The following MYO15A variants were observed in gnomAD, a reference collection of about 807,000 sequenced individuals.
MYO15A encodes unconventional myosin-XV.
A neutral mutation model predicts 394.6 loss-of-function variants in MYO15A; 308 were observed. That is an observed-to-expected ratio of 0.78 (90% CI 0.71 to 0.86). The LOEUF (loss-of-function observed/expected upper bound fraction) is 0.86, where lower values mean the gene tolerates loss of function less well. MYO15A is among the 40% of genes least tolerant of loss of function. The pLI is 0.00. For synonymous variants in MYO15A, 1,957 were observed against 2,003.8 expected (o/e 0.98, Z 0.62); for missense variants, 4,606 against 4,799.1 (o/e 0.96, Z 1.19).
At position 18,132,461 on chromosome 17, in the gene MYO15A, C is replaced by T. The variant is rs1163933682; in HGVS notation, c.4215C>T (p.Asn1405=). The T allele has an allele frequency of 1.7e-5, 28 of 1,613,834 alleles. No homozygotes were observed. The highest frequency in any genetic ancestry group is 2.2e-5 in the East Asian group (1 of 44,892). ...ACCTACCCACTCTACAGGCCAAAAA[C>T]GAGAGGAATTACCACATCTTCTACG... ...EKSRIVFQAK[N]ERNYHIFYEL... The change falls in exon 11 of 66, where the codon AAC becomes AAT. Residue 1405 remains asparagine, a synonymous_variant. Coordinates refer to ENST00000647165, the MANE Select transcript of MYO15A (RefSeq NM_016239.4). The surrounding 1 kb of genome is among the most constrained non-coding windows in gnomAD (Gnocchi z 4.6).
chr17:18,163,595 C>T, intron 59 of MYO15A, 147 bp from the exon 60 acceptor site: 2 of 797,588 alleles, frequency 2.5e-6, no homozygotes, highest in Non-Finnish European at 4.2e-6. Flanking sequence ...CTGCCTGAGG[C>T]TGATTCTCAG....
chr17:18,126,781 G>A lies in MYO15A; in HGVS notation c.3867-10G>A. The stretch of plus-strand genomic sequence containing the variant: ...AGGCAGGGGCCAGCTCTAATGACCT[G>A]TCTCCCCAGGCACCTCTTTGCTGTT... On this transcript the variant is annotated splice_polypyrimidine_tract_variant and intron_variant, in intron 5 of 65. Transcript: ENST00000647165. The A allele has an allele frequency of 6.2e-7, 1 of 1,614,074 alleles. No individual in the cohort carries two copies. Among genetic ancestry groups the A allele is most frequent in the Non-Finnish European group, 8.5e-7 (1 of 1,179,986 alleles).
In MYO15A at chr17:18,158,594, C is replaced by T. The variant is rs749791859; in HGVS notation, c.9039C>T (p.Leu3013=). 6.2e-7 allele frequency: 1 copy of T among 1,614,184 alleles called. No individual in the cohort carries two copies. Among genetic ancestry groups the T allele is most frequent in the South Asian group, 1.1e-5 (1 of 91,092 alleles). The change falls in exon 52 of 66, where the codon CTC becomes CTT. Residue 3013 remains leucine, a synonymous_variant. Transcript: ENST00000647165. ...TGGCGCTCCCACCCTACACAATGCT[C>T]GAGTTTGCCCAGAAGTATTTCCGAG... ...DALALPPYTM[L]EFAQKYFRDP...
rs201734915 is a variant in MYO15A at position 18,159,953 on chromosome 17, G to A, written c.9322G>A (p.Val3108Ile). Residue 3108 changes from valine (V) to isoleucine (I), a missense_variant, in exon 56 of 66, where the codon GTC (valine) becomes ATC (isoleucine). Val to Ile is a conservative substitution (Grantham distance 29). Transcript: ENST00000647165. Reference protein sequence around the residue: ...NLLKLCGDHEVMRDECYCQVV... With the variant: ...NLLKLCGDHEIMRDECYCQVV... ...CCTTCAGCTGTGCGGGGACCATGAG[G>A]TCATGCGGGATGAATGTTACTGCCA... 1.2e-4 allele frequency: 189 copies of A among 1,613,958 alleles called. 1 individual carries two copies. In the African/African-American group the frequency reaches 1.4e-3, roughly 12 times the overall value.
chr17:18,116,312 G>T (rs577307414), intron 1 of MYO15A, among the ~76,000 whole-genome samples: 80 of 152,360 alleles, frequency 5.3e-4, no homozygotes, highest in African/African-American at 1.9e-3. Flanking sequence ...TCCTGGCTCT[G>T]CCCAGTGTCC....
intron 2 of MYO15A, chr17:18,123,342 G>A (rs1292632641): frequency 2.0e-5 from 3 of 152,274 alleles, no homozygotes; most frequent in Admixed American, 6.5e-5. Context: ...GGGGCGCAGG[G>A]CGTCTAGGGG....
chr17:18,120,371 C>T lies in MYO15A; in HGVS notation c.1571C>T (p.Ala524Val). 1 of 1,611,874 alleles carries T rather than the reference C, an allele frequency of 6.2e-7. No homozygotes were observed. Among genetic ancestry groups the T allele is most frequent in the South Asian group, 1.1e-5 (1 of 91,074 alleles). Residue 524 changes from alanine to valine, a missense_variant, in exon 2 of 66, where the codon GCT (alanine) becomes GTT (valine). Around this residue, in one of 2 missense-constraint regions of MYO15A, gnomAD observed 1,830 missense variants for 1,689.7 expected, o/e 1.08. Transcript: ENST00000647165. Reference sequence around the variant, plus strand: ...GAGGAGGAGCTGCCCCCGGTTTCCGCTGTGCCCTACGGCCACCCTTTCTGG... The same window carrying T: ...GAGGAGGAGCTGCCCCCGGTTTCCGTTGTGCCCTACGGCCACCCTTTCTGG... ...EDEEELPPVS[A>V]VPYGHPFWGF...
rs1485432836 is a variant in MYO15A, at chr17:18,150,874, G to A, written c.7434G>A (p.Gln2478=). The A allele has an allele frequency of 6.3e-7, 1 of 1,598,294 alleles. No homozygotes were observed. The highest frequency in any genetic ancestry group is 1.1e-5 in the South Asian group (1 of 89,050). ...EMTLQATALQ[Q]QPLSAALRSL... is the part of the protein sequence containing the mutation. ...CCCTGCAGGCCACGGCACTCCAGCA[G>A]CAGCCCCTGAGTGCTGCCCTGAGAT... Residue 2478 remains glutamine (Q), a synonymous_variant, in exon 38 of 66, where the codon CAG becomes CAA. Transcript: ENST00000647165. This position sits in a 1 kb window ranked among gnomAD's most constrained non-coding sequence, Gnocchi z 4.4.
At chr17:18,156,905 G>C in intron 48 of MYO15A, 49 bp from the exon 49 acceptor site, 1 of 1,528,576 alleles carries the variant, frequency 6.5e-7, no homozygotes, top group Non-Finnish European at 9.1e-7. Context: ...AGGCCTCTGG[G>C]AGTGGGGTGA....
At chr17:18,131,889 C>A (rs1000735058) in intron 10 of MYO15A, among the ~76,000 whole-genome samples, 3 of 152,180 alleles carry the variant, frequency 2.0e-5, no homozygotes, top group African/African-American at 7.2e-5. Context: ...CAGCCCCTCT[C>A]CATCCCATCA....
chr17:18,120,467 G>A lies in MYO15A; in HGVS notation c.1667G>A (p.Gly556Asp). 6.3e-7 allele frequency: 1 copy of A among 1,575,320 alleles called. No homozygotes were observed. The change falls in exon 2 of 66, where the codon GGC becomes GAC. Residue 556 changes from glycine (G) to aspartate (D), a missense_variant. Around this residue, in one of 2 missense-constraint regions of MYO15A, gnomAD observed 1,830 missense variants for 1,689.7 expected, o/e 1.08. Coordinates refer to ENST00000647165, the MANE Select transcript of MYO15A (RefSeq NM_016239.4). The stretch of plus-strand genomic sequence containing the variant: ...GCCTTCGGCGCCCACCGGGGCCTGG[G>A]CTTCGGCCCTGAGTTTGGCCGCCCC... ...LSAFGAHRGL[G>D]FGPEFGRPVP...
In MYO15A at chr17:18,122,430, C is replaced by G. The variant is rs712268; in HGVS notation, c.3609+21C>G. ...ACAAGGTATGGAGGCACAGATTACA[C>G]GGAGGGTTTGAGGGTTCTGGCCTAG... On this transcript the variant is annotated intron_variant, in intron 2 of 65. Transcript: ENST00000647165. 0.37 allele frequency: 600,781 copies of G among 1,607,384 alleles called. 125,816 individuals are homozygous for G. Among genetic ancestry groups the G allele is most frequent in the East Asian group, 0.74 (33,188 of 44,792 alleles).
At position 18,178,844 on chromosome 17, in the gene MYO15A, C is replaced by G. The variant is rs772088818; in HGVS notation, c.10567C>G (p.Pro3523Ala). The change falls in exon 66 of 66, where the codon CCC (proline) becomes GCC (alanine). Residue 3523 changes from proline (P) to alanine (A), a missense_variant. Around this residue, in one of 2 missense-constraint regions of MYO15A, gnomAD observed 2,776 missense variants for 3,109.3 expected, o/e 0.89. Coordinates refer to ENST00000647165, the MANE Select transcript of MYO15A (RefSeq NM_016239.4). ...LSAHEKRLTL[P>A]PSEITLL Reference sequence around the variant, plus strand: ...TGCCCATGAGAAGCGGCTCACATTGCCCCCCAGCGAGATCACCCTGCTCTG... The same window carrying G: ...TGCCCATGAGAAGCGGCTCACATTGGCCCCCAGCGAGATCACCCTGCTCTG... 6.2e-7 allele frequency: 1 copy of G among 1,613,380 alleles called. No homozygotes were observed. Among genetic ancestry groups the G allele is most frequent in the Non-Finnish European group, 8.5e-7 (1 of 1,179,974 alleles).
intron 56 of MYO15A, among the ~76,000 whole-genome samples, chr17:18,160,394 C>G (rs537915642): frequency 6.6e-6 from 1 of 152,308 alleles, no homozygotes; most frequent in South Asian, 2.1e-4. Context: ...CAGGCTTTCT[C>G]CATCTTCTGG....
chr17:18,121,224 G>T lies in MYO15A; in HGVS notation c.2424G>T (p.Pro808=). ...CCTTGCGCACGGGCCCCTTCCAGCC[G>T]CCCTTCCTGCCCCCGGCCCGCCGGC... ...QLSLRTGPFQ[P]PFLPPARRPR... is the part of the protein sequence containing the mutation. The change falls in exon 2 of 66, where the codon CCG becomes CCT. Residue 808 remains proline (P), a synonymous_variant. Coordinates refer to ENST00000647165, the MANE Select transcript of MYO15A (RefSeq NM_016239.4). The surrounding 1 kb of genome is among the most constrained non-coding windows in gnomAD (Gnocchi z 5.3). 4 of 1,487,428 alleles carry T rather than the reference G, an allele frequency of 2.7e-6. No homozygotes were observed. In the South Asian group the frequency reaches 3.7e-5, roughly 14 times the overall value. 92.1% of individuals were successfully genotyped at this position (1,487,428 alleles called of 1,614,324 possible). A position where few individuals can be genotyped will look rare whatever the true frequency, so the allele number is the denominator to read the frequency against.
chr17:18,121,025 G>T lies in MYO15A; in HGVS notation c.2225G>T (p.Arg742Leu), dbSNP rs772776336. 4.6e-5 allele frequency: 69 copies of T among 1,508,774 alleles called. No individual in the cohort carries two copies. In the African/African-American group the frequency reaches 8.2e-4, roughly 18 times the overall value. The allele number at this position is 1,508,774 out of a possible 1,614,324, so 93.5% of individuals were successfully genotyped here. A position where few individuals can be genotyped will look rare whatever the true frequency, so the allele number is the denominator to read the frequency against. ...PPDLLAFPGPRPSFRGSRRRG... is the reference protein window; with the variant it reads ...PPDLLAFPGPLPSFRGSRRRG... Reference sequence around the variant, plus strand: ...GACCTACTAGCCTTCCCAGGGCCCCGACCCTCGTTCAGGGGCTCCCGCCGG... The same window carrying T: ...GACCTACTAGCCTTCCCAGGGCCCCTACCCTCGTTCAGGGGCTCCCGCCGG... The change falls in exon 2 of 66, where the codon CGA (arginine) becomes CTA (leucine). Residue 742 changes from arginine to leucine, a missense_variant. Physicochemically the swap from Arg to Leu is moderately radical, Grantham distance 102. This residue lies in a region of MYO15A where 1,830 missense variants were observed against 1,689.7 expected (regional missense o/e 1.08). Transcript: ENST00000647165. The surrounding 1 kb of genome is among the most constrained non-coding windows in gnomAD (Gnocchi z 5.3).
intron 23 of MYO15A, 87 bp downstream of exon 23, chr17:18,141,857 C>T (rs762043363): frequency 4.2e-6 from 6 of 1,439,438 alleles, no homozygotes; most frequent in Non-Finnish European, 5.9e-6. Flanking sequence ...AAGCTAGAGA[C>T]TGCCATCCCA....
chr17:18,112,393 C>T (rs990549867), intron 1 of MYO15A, among the ~76,000 whole-genome samples: 5 of 151,700 alleles, frequency 3.3e-5, no homozygotes, highest in African/African-American at 1.2e-4. Context: ...TTCACATATA[C>T]ACTTTTTTGG....
At position 18,150,539 on chromosome 17, in the gene MYO15A, G is replaced by A. The variant is rs1456154113; in HGVS notation, c.7323G>A (p.Lys2441=). 1 of 1,614,164 alleles carries A rather than the reference G, an allele frequency of 6.2e-7. No homozygotes were observed. Among genetic ancestry groups the A allele is most frequent in the East Asian group, 2.2e-5 (1 of 44,878 alleles). The part of the protein sequence containing the change: ...EDTPRRPPEP[K]PIPGLDASTL... The stretch of plus-strand genomic sequence containing the variant: ...CCCCCAGGAGACCCCCAGAGCCAAA[G>A]CCAAGTCAGTGCCTCCCCAGGGTGG... Residue 2441 remains lysine (K), a synonymous_variant, in exon 36 of 66, where the codon AAG becomes AAA. Coordinates refer to ENST00000647165, the MANE Select transcript of MYO15A (RefSeq NM_016239.4). The surrounding 1 kb of genome is among the most constrained non-coding windows in gnomAD (Gnocchi z 4.4).
Sources: gnomAD v4.1 joint callset for allele counts (sites outside exome capture counted in the v4.1 genomes callset) on GRCh38, gnomAD v4.1.1 for gene constraint, gnomAD v4.1.1 regional missense constraint, Gnocchi (gnomAD v3.1) non-coding constraint, MANE v1.5 for transcripts, NCBI Gene and HGNC (gene_info 2026-07-23, HGNC 2026-07-21) for gene names.